Variants in RFX2 observed in about 807,000 individuals in gnomAD.
RFX2 encodes the protein regulatory factor X2, also known as DNA-binding protein RFX2.
In RFX2, 20 loss-of-function variants were observed where a neutral mutation model predicts 87.8. The ratio of observed to expected loss-of-function variants is 0.23; its 90% CI spans 0.16 to 0.33. The LOEUF is 0.33. Among genes scored for constraint, RFX2 ranks in the 10% least tolerant of loss-of-function variants. The pLI is 1.00. For synonymous variants in RFX2, 397 were observed against 431.3 expected (o/e 0.92, Z 0.98); for missense variants, 767 against 1,012.3 (o/e 0.76, Z 3.29).
chr19:6,009,841 C>T (rs550646974), intron 9 of RFX2, among the ~76,000 whole-genome samples: 12 of 152,332 alleles, frequency 7.9e-5, no homozygotes, highest in African/African-American at 2.9e-4. Context: ...GTTGGGATCA[C>T]GGGCATGAGC....
At position 5,998,771 on chromosome 19, in the gene RFX2, G is replaced by A. The variant is rs145848924; in HGVS notation, c.1860-1558C>T. Among the ~76,000 whole-genome samples the A allele has an allele frequency of 1.4e-3, 206 of 152,268 alleles. No individual in the cohort carries two copies. The highest frequency in any genetic ancestry group is 4.7e-3 in the African/African-American group (196 of 41,540). ...GCCTGCGGTCACCCCGGTATCTCTG[G>A]GTTCCCAAATGGGCTCGCAGCTCCC... On this transcript the variant is annotated intron_variant, in intron 15 of 17. Coordinates refer to ENST00000303657, the MANE Select transcript of RFX2 (RefSeq NM_000635.4). The surrounding 1 kb of genome is among the most constrained non-coding windows in gnomAD (Gnocchi z 4.2).
At position 6,007,727 on chromosome 19, in the gene RFX2, C is replaced by G; in HGVS notation, c.1210G>C (p.Ala404Pro). 6.4e-7 allele frequency: 1 copy of G among 1,555,804 alleles called. No individual in the cohort carries two copies. The highest frequency in any genetic ancestry group is 8.7e-7 in the Non-Finnish European group (1 of 1,148,794). Residue 404 changes from alanine (A) to proline (P), a missense_variant, in exon 11 of 18, where the codon GCC becomes CCC. Physicochemically the swap from Ala to Pro is conservative, Grantham distance 27 (BLOSUM62 -1). Around this residue, in one of 2 missense-constraint regions of RFX2, gnomAD observed 621 missense variants for 873.0 expected, o/e 0.71. Transcript: ENST00000303657. The surrounding 1 kb of genome is among the most constrained non-coding windows in gnomAD (Gnocchi z 8.2). ...GAGGTGGGGCCGTCGCTGGAGGAGGCCTTAGAGTTCCAGAAGGAGAGCCAC... is the reference window on the plus strand; with the variant it reads ...GAGGTGGGGCCGTCGCTGGAGGAGGGCTTAGAGTTCCAGAAGGAGAGCCAC... ...KLWLSFWNSK[A>P]SSSDGPTSLP... is the part of the protein sequence containing the mutation.
chr19:6,032,902 C>T (rs1208111284), intron 5 of RFX2, among the ~76,000 whole-genome samples: 1 of 152,236 alleles, frequency 6.6e-6, no homozygotes, highest in African/African-American at 2.4e-5. Context: ...CATCCTCCCA[C>T]CTCAGTCTCC....
intron 1 of RFX2, among the ~76,000 whole-genome samples, chr19:6,100,880 A>C (rs929550789): frequency 7.5e-6 from 1 of 133,200 alleles, no homozygotes; most frequent in Admixed American, 6.8e-5. Context: ...TGAATTAATT[A>C]ATTGAATTAA....
intron 1 of RFX2, among the ~76,000 whole-genome samples, chr19:6,060,665 G>A (rs940202114): frequency 1.1e-4 from 16 of 152,012 alleles, no homozygotes; most frequent in South Asian, 4.1e-4. Flanking sequence ...GGCAGTTTTC[G>A]GGCCTCCTCT....
At chr19:6,059,821 C>G (rs1223945233) in intron 1 of RFX2, among the ~76,000 whole-genome samples, 1 of 152,048 alleles carries the variant, frequency 6.6e-6, no homozygotes, top group Non-Finnish European at 1.5e-5. Flanking sequence ...ACATACACCA[C>G]CTGACGCAGG....
chr19:5,996,166 A>G (rs769282974), intron 16 of RFX2, among the ~76,000 whole-genome samples: 51 of 140,444 alleles, frequency 3.6e-4, no homozygotes, highest in Non-Finnish European at 2.3e-4. Context: ...ATCAAGCATC[A>G]TCTCGTTTCT....
At chr19:6,057,895 G>C (rs1182881297) in intron 1 of RFX2, among the ~76,000 whole-genome samples, 6 of 152,104 alleles carry the variant, frequency 3.9e-5, no homozygotes, top group Admixed American at 3.9e-4. Flanking sequence ...CAGGTCCTCG[G>C]AGTAAGTGAT....
At chr19:6,065,517 G>T (rs944965764) in intron 1 of RFX2, among the ~76,000 whole-genome samples, 4 of 152,056 alleles carry the variant, frequency 2.6e-5, no homozygotes, top group Non-Finnish European at 5.9e-5. Flanking sequence ...TGCGGTGGCG[G>T]GCGCCTGTAG....
chr19:6,062,339 C>G lies in RFX2; in HGVS notation c.-8-14835G>C, dbSNP rs1039416738. ...GGGGGCTGACTGACTCTGAGGAAGC[C>G]GTGACCACATCACCTCTGCTCTAGA... On this transcript the variant is annotated intron_variant, in intron 1 of 17. Transcript: ENST00000303657. Among the ~76,000 whole-genome samples the G allele has an allele frequency of 3.7e-4, 57 of 152,102 alleles. 1 individual carries two copies. Among genetic ancestry groups the G allele is most frequent in the Non-Finnish European group, 2.9e-5 (2 of 68,024 alleles).
At position 6,004,193 on chromosome 19, in the gene RFX2, G is replaced by A. The variant is rs777457962; in HGVS notation, c.1500+8C>T. ...CGTTGGGGAGCCCAGGCCCCACCCC[G>A]GACGCACCTTGGTCTGGATGACCTG... is the stretch of plus-strand genomic sequence containing the variant. On this transcript the variant is annotated splice_region_variant and intron_variant, in intron 13 of 17. Coordinates refer to ENST00000303657, the MANE Select transcript of RFX2 (RefSeq NM_000635.4). This position sits in a 1 kb window ranked among gnomAD's most constrained non-coding sequence, Gnocchi z 4.8. 3.4e-5 allele frequency: 55 copies of A among 1,609,028 alleles called. No individual in the cohort carries two copies. The highest frequency in any genetic ancestry group is 2.5e-4 in the South Asian group (23 of 90,898).
intron 6 of RFX2, among the ~76,000 whole-genome samples, chr19:6,019,628 T>C (rs2086782260): frequency 6.7e-6 from 1 of 149,862 alleles, no homozygotes; most frequent in South Asian, 2.1e-4. Context: ...TCTCATCCTG[T>C]CACCACCCCA....
intron 7 of RFX2, among the ~76,000 whole-genome samples, chr19:6,015,831 G>A (rs764170865): frequency 3.3e-5 from 5 of 152,178 alleles, no homozygotes; most frequent in Admixed American, 2.6e-4. Flanking sequence ...AAAAAGAAAA[G>A]TATTGTTTGG....
chr19:6,025,161 T>C (rs371873569), intron 6 of RFX2, among the ~76,000 whole-genome samples: 21 of 152,096 alleles, frequency 1.4e-4, no homozygotes, highest in African/African-American at 4.8e-4. Context: ...TCAAGAGCGT[T>C]TGGGGAGAAG....
intron 1 of RFX2, among the ~76,000 whole-genome samples, chr19:6,055,220 G>A (rs1023315687): frequency 1.3e-5 from 2 of 152,098 alleles, no homozygotes; most frequent in Non-Finnish European, 2.9e-5. Context: ...GTAAGTACAT[G>A]GAGCAACTAA....
Position 6,044,532 on chromosome 19 carries a change from A to G in RFX2, c.91-250T>C, listed in dbSNP as rs778897369. Among the ~76,000 whole-genome samples, 15 of 152,244 alleles carry G rather than the reference A, an allele frequency of 9.9e-5. No individual in the cohort carries two copies. Among genetic ancestry groups the G allele is most frequent in the African/African-American group, 3.4e-4 (14 of 41,466 alleles). On this transcript the variant is annotated intron_variant, in intron 2 of 17. Coordinates refer to ENST00000303657, the MANE Select transcript of RFX2 (RefSeq NM_000635.4). The surrounding 1 kb of genome is among the most constrained non-coding windows in gnomAD (Gnocchi z 5.3). Reference sequence around the variant, plus strand: ...ACAAGTGTGCACATACACTCAGCCCATGCACCACACATATGCACGAATTGT... The same window carrying G: ...ACAAGTGTGCACATACACTCAGCCCGTGCACCACACATATGCACGAATTGT...
At chr19:6,103,621 T>C (rs1376819554) in intron 1 of RFX2, among the ~76,000 whole-genome samples, 1 of 152,160 alleles carries the variant, frequency 6.6e-6, no homozygotes, top group Non-Finnish European at 1.5e-5. Flanking sequence ...AAATGTGATG[T>C]TTGGGGAGTC....
intron 1 of RFX2, among the ~76,000 whole-genome samples, chr19:6,104,645 G>A (rs989515065): frequency 7.9e-5 from 12 of 152,020 alleles, no homozygotes; most frequent in Non-Finnish European, 7.4e-5. Flanking sequence ...GGGTTCAAGC[G>A]ATCCTCCTGC....
chr19:6,081,205 G>A (rs1235203676), intron 1 of RFX2, among the ~76,000 whole-genome samples: 1 of 152,118 alleles, frequency 6.6e-6, no homozygotes, highest in Non-Finnish European at 1.5e-5. Context: ...CTTTAAAAAA[G>A]TTCATAATAA....
Sources: allele counts gnomAD v4.1 joint callset (sites outside exome capture counted in the v4.1 genomes callset), GRCh38; gene constraint gnomAD v4.1.1; regional missense constraint gnomAD v4.1.1; non-coding constraint Gnocchi (gnomAD v3.1); transcripts MANE v1.5; gene names NCBI Gene and HGNC (gene_info 2026-07-23, HGNC 2026-07-21).